The following TMEM132C variants were observed in gnomAD, a reference collection of about 807,000 sequenced individuals.
TMEM132C encodes protein phosphatase 1, regulatory subunit 152.
A neutral mutation model predicts 61.4 loss-of-function variants in TMEM132C; 29 were observed. The ratio of observed to expected loss-of-function variants is 0.47; its 90% confidence interval spans 0.35 to 0.64. The LOEUF is 0.64. TMEM132C is among the 30% of genes least tolerant of loss of function. The pLI is 0.00. For missense variants in TMEM132C, 1,408 were observed against 1,476.9 expected (o/e 0.95, Z 0.76); for synonymous variants, 656 against 633.1 (o/e 1.04, Z -0.54).
chr12:128,287,583 C>T (rs961096180), intron 1 of TMEM132C, among the ~76,000 whole-genome samples: 10 of 152,112 alleles, frequency 6.6e-5, no homozygotes, highest in Non-Finnish European at 1.2e-4. Context: ...GTAAGTTACA[C>T]ACATTATACC....
chr12:128,497,874 G>A (rs909947275), intron 2 of TMEM132C, among the ~76,000 whole-genome samples: 1 of 152,104 alleles, frequency 6.6e-6, no homozygotes, highest in African/African-American at 2.4e-5. Flanking sequence ...GATGAACCCG[G>A]TACCTCAGTT....
intron 3 of TMEM132C, among the ~76,000 whole-genome samples, chr12:128,548,035 C>T (rs973561182): frequency 2.0e-5 from 3 of 152,206 alleles, no homozygotes; most frequent in African/African-American, 4.8e-5. Flanking sequence ...AAGCCTTCTA[C>T]ATCAGGAGAT....
chr12:128,545,302 T>C (rs1873908487), intron 3 of TMEM132C, among the ~76,000 whole-genome samples: 1 of 152,222 alleles, frequency 6.6e-6, no homozygotes, highest in Non-Finnish European at 1.5e-5. Flanking sequence ...GGGTATGATT[T>C]TGTTCTTTTT....
intron 4 of TMEM132C, among the ~76,000 whole-genome samples, chr12:128,655,676 C>T (rs1197698138): frequency 6.6e-6 from 1 of 152,078 alleles, no homozygotes; most frequent in Non-Finnish European, 1.5e-5. Flanking sequence ...AGCCTGGCTC[C>T]ACAGGGGCAC....
intron 5 of TMEM132C, among the ~76,000 whole-genome samples, chr12:128,675,567 G>A (rs547460315): frequency 2.0e-5 from 3 of 152,276 alleles, no homozygotes; most frequent in African/African-American, 7.2e-5. Flanking sequence ...CTTTACTGAG[G>A]TTCTACTGTT....
At chr12:128,484,812 G>T (rs538010332) in intron 2 of TMEM132C, among the ~76,000 whole-genome samples, 1 of 152,090 alleles carries the variant, frequency 6.6e-6, no homozygotes, top group South Asian at 2.1e-4. Flanking sequence ...TTAAAAACTA[G>T]CTAAACATGG....
chr12:128,682,581 A>ACT (rs909986936), intron 5 of TMEM132C, among the ~76,000 whole-genome samples: 1 of 152,112 alleles, frequency 6.6e-6, no homozygotes, highest in African/African-American at 2.4e-5. Context: ...GGCCGTTAAC[A>ACT]CTCTCTGTGT....
In TMEM132C at chr12:128,292,306, G is replaced by A. The variant is rs184156553; in HGVS notation, c.85+24819G>A. 7.2e-5 allele frequency among the ~76,000 whole-genome samples: 11 copies of A among 152,268 alleles called. No individual in the cohort carries two copies. The East Asian group carries it at 9.6e-4, about 13-fold the overall frequency. ...AGAGGAAAGCCTTGGAAACAAAGCCGGCCTCCCTGAGATTCCTGCTGTGTA... is the reference window on the plus strand; with the variant it reads ...AGAGGAAAGCCTTGGAAACAAAGCCAGCCTCCCTGAGATTCCTGCTGTGTA... On this transcript the variant is annotated intron_variant, in intron 1 of 8. Transcript: ENST00000435159.
chr12:128,488,450 C>A (rs1344625950), intron 2 of TMEM132C, among the ~76,000 whole-genome samples: 1 of 152,066 alleles, frequency 6.6e-6, no homozygotes, highest in Non-Finnish European at 1.5e-5. Context: ...CACCTGAGGT[C>A]GGGAGTTCAA....
chr12:128,558,789 A>G (rs1217604852), intron 3 of TMEM132C, among the ~76,000 whole-genome samples: 1 of 152,262 alleles, frequency 6.6e-6, no homozygotes, highest in East Asian at 1.9e-4. Context: ...GCCCAGTCAG[A>G]GGGCACCTGG....
intron 3 of TMEM132C, among the ~76,000 whole-genome samples, chr12:128,558,265 G>A (rs958971465): frequency 6.6e-6 from 1 of 152,166 alleles, no homozygotes; most frequent in African/African-American, 2.4e-5. Flanking sequence ...TGATTTGGCT[G>A]TGTCCCCACC....
chr12:128,399,070 C>G (rs953267631), intron 1 of TMEM132C, among the ~76,000 whole-genome samples: 10 of 152,088 alleles, frequency 6.6e-5, no homozygotes, highest in African/African-American at 2.4e-4. Context: ...TACTTTGTCC[C>G]CTAAGACTTG....
At chr12:128,574,415 C>T (rs1193986606) in intron 3 of TMEM132C, among the ~76,000 whole-genome samples, 4 of 152,204 alleles carry the variant, frequency 2.6e-5, no homozygotes, top group Admixed American at 6.5e-5. Flanking sequence ...ATAGAGAAAC[C>T]GTTATTATCT....
At chr12:128,409,088 G>A (rs1362847362) in intron 1 of TMEM132C, among the ~76,000 whole-genome samples, 1 of 152,148 alleles carries the variant, frequency 6.6e-6, no homozygotes, top group Non-Finnish European at 1.5e-5. Flanking sequence ...GCAAGGAGAT[G>A]GGCTTTCTTG....
In TMEM132C at chr12:128,570,536, C is replaced by T. The variant is rs572646496; in HGVS notation, c.1121+26433C>T. 2.0e-5 allele frequency among the ~76,000 whole-genome samples: 3 copies of T among 152,170 alleles called. No homozygotes were observed. Among genetic ancestry groups the T allele is most frequent in the South Asian group, 2.1e-4 (1 of 4,820 alleles). ...CAGAAACTAGATTGCAGAGGCCTAA[C>T]GAAACACGGCTTTTTTTTTTCCTTT... On this transcript the variant is annotated intron_variant, in intron 3 of 8. Transcript: ENST00000435159. This position sits in a 1 kb window ranked among gnomAD's most constrained non-coding sequence, Gnocchi z 4.7.
chr12:128,690,672 T>G (rs1185830110), intron 5 of TMEM132C, among the ~76,000 whole-genome samples: 1 of 152,234 alleles, frequency 6.6e-6, no homozygotes, highest in Non-Finnish European at 1.5e-5. Flanking sequence ...AGTGTTTACC[T>G]GCTAATGACA....
rs188669757 is a variant in TMEM132C at position 128,316,374 on chromosome 12, C to T, written c.85+48887C>T. ...TCCTCAGTTTCCTTCCCCACCACCT[C>T]CACAGCAGTAAGATAGACCCAACGG... is the stretch of plus-strand genomic sequence containing the variant. On this transcript the variant is annotated intron_variant, in intron 1 of 8. Transcript: ENST00000435159. Among the ~76,000 whole-genome samples the T allele has an allele frequency of 2.6e-5, 4 of 152,264 alleles. No individual in the cohort carries two copies. In the East Asian group the frequency reaches 7.7e-4, roughly 29 times the overall value.
At chr12:128,317,868 A>G (rs895152772) in intron 1 of TMEM132C, among the ~76,000 whole-genome samples, 2 of 152,248 alleles carry the variant, frequency 1.3e-5, no homozygotes, top group Non-Finnish European at 2.9e-5. Context: ...ACTGTACTCC[A>G]TCCTGGGTGA....
chr12:128,353,484 C>T (rs1248999544), intron 1 of TMEM132C, among the ~76,000 whole-genome samples: 3 of 152,154 alleles, frequency 2.0e-5, no homozygotes, highest in African/African-American at 4.8e-5. Flanking sequence ...TTCACAAGGG[C>T]GTTCTCCCAT....
Sources: gnomAD v4.1 joint callset for allele counts (sites outside exome capture counted in the v4.1 genomes callset) on GRCh38, gnomAD v4.1.1 for gene constraint, Gnocchi (gnomAD v3.1) non-coding constraint, MANE v1.5 for transcripts, NCBI Gene and HGNC (gene_info 2026-07-23, HGNC 2026-07-21) for gene names.